The following PIP5K1C variants were observed in gnomAD, a reference collection of about 807,000 sequenced individuals.
PIP5K1C encodes the protein phosphatidylinositol-4-phosphate 5-kinase type 1 gamma.
A neutral mutation model predicts 80.1 loss-of-function variants in PIP5K1C; 45 were observed. The observed-to-expected ratio is 0.56, with a 90% CI of 0.44 to 0.72. PIP5K1C has a LOEUF of 0.72. PIP5K1C is among the 30% of genes least tolerant of loss of function. The pLI is 0.00. For synonymous variants in PIP5K1C, 498 were observed against 420.1 expected (o/e 1.19, Z -2.27); for missense variants, 753 against 954.6 (o/e 0.79, Z 2.78).
intron 16 of PIP5K1C, among the ~76,000 whole-genome samples, chr19:3,635,848 C>T (rs574137320): frequency 1.8e-4 from 27 of 152,136 alleles, no homozygotes; most frequent in African/African-American, 4.6e-4. Context: ...GGCATGATGG[C>T]GGGCGCCTGT....
chr19:3,639,911 T>C (rs2033892662), intron 15 of PIP5K1C, among the ~76,000 whole-genome samples: 1 of 152,306 alleles, frequency 6.6e-6, no homozygotes, highest in East Asian at 1.9e-4. Flanking sequence ...ACACGGTGCA[T>C]CGTGTTCATC....
At chr19:3,668,646 T>A (rs7246711) in intron 1 of PIP5K1C, among the ~76,000 whole-genome samples, 31,422 of 152,138 alleles carry the variant, frequency 0.21, 3,624 homozygotes, top group African/African-American at 0.3. Flanking sequence ...ACTGCAGGGA[T>A]CGCACGTGCT....
At chr19:3,634,913 A>G (rs2033617664) in intron 16 of PIP5K1C, among the ~76,000 whole-genome samples, 2 of 152,250 alleles carry the variant, frequency 1.3e-5, no homozygotes, top group South Asian at 4.1e-4. Flanking sequence ...CTGAGGGGCC[A>G]GGACCCCAGC....
rs1034350592 is a variant in PIP5K1C at position 3,639,749 on chromosome 19, G to A, written c.1788-733C>T. On this transcript the variant is annotated intron_variant, in intron 15 of 17. Coordinates refer to ENST00000335312, the MANE Select transcript of PIP5K1C (RefSeq NM_012398.3). ...CCAGCCTCTTTGTTCTTTTCACTGAGCACTTACTACATGCCAGGGCTGGCT... is the reference window on the plus strand; with the variant it reads ...CCAGCCTCTTTGTTCTTTTCACTGAACACTTACTACATGCCAGGGCTGGCT... Among the ~76,000 whole-genome samples, 9 of 152,202 alleles carry A rather than the reference G, an allele frequency of 5.9e-5. 1 individual carries two copies. The highest frequency in any genetic ancestry group is 5.9e-4 in the Admixed American group (9 of 15,272).
chr19:3,667,518 G>A (rs891856597), intron 1 of PIP5K1C, among the ~76,000 whole-genome samples, 165 bp from the exon 2 acceptor site: 19 of 152,370 alleles, frequency 1.2e-4, no homozygotes, highest in Non-Finnish European at 2.8e-4. Flanking sequence ...TGAGTGCGCT[G>A]GGAGGATGTG....
At chr19:3,641,607 A>G (rs1046392596) in intron 15 of PIP5K1C, 98 bp downstream of exon 15, 5 of 850,816 alleles carry the variant, frequency 5.9e-6, no homozygotes, top group Non-Finnish European at 9.9e-6. Flanking sequence ...ACAACCTAGT[A>G]AGAAAGAACT....
In PIP5K1C at chr19:3,688,286, G is replaced by A. The variant is rs1469124098; in HGVS notation, c.94+12011C>T. ...TCCGGGGAGTACAGTGTCCCTGAAG[G>A]GAATTCCTTCCAGAGCCTGAGGTTA... On this transcript the variant is annotated intron_variant, in intron 1 of 17. Coordinates refer to ENST00000335312, the MANE Select transcript of PIP5K1C (RefSeq NM_012398.3). This position sits in a 1 kb window ranked among gnomAD's most constrained non-coding sequence, Gnocchi z 5.3. 1.3e-5 allele frequency among the ~76,000 whole-genome samples: 2 copies of A among 152,342 alleles called. No individual in the cohort carries two copies. Among genetic ancestry groups the A allele is most frequent in the East Asian group, 1.9e-4 (1 of 5,178 alleles).
rs750756928 is a variant in PIP5K1C, at chr19:3,643,368, G to C, written c.1524C>G (p.Leu508=). 5.6e-6 allele frequency: 9 copies of C among 1,613,528 alleles called. No homozygotes were observed. The highest frequency in any genetic ancestry group is 8.5e-7 in the Non-Finnish European group (1 of 1,179,922). ...CGAAAGAAGGTGGCGTGCAGGGCAG[G>C]AGGTCGGGCCGGCCTGAGGGGAGAG... is the stretch of plus-strand genomic sequence containing the variant. The part of the protein sequence containing the change: ...PTLEDEGRPD[L]LPCTPPSFEE... Residue 508 remains leucine (L), a synonymous_variant, in exon 13 of 18, where the codon CTC becomes CTG. Coordinates refer to ENST00000335312, the MANE Select transcript of PIP5K1C (RefSeq NM_012398.3).
intron 1 of PIP5K1C, among the ~76,000 whole-genome samples, chr19:3,687,909 C>T (rs531120756): frequency 1.3e-5 from 2 of 152,336 alleles, no homozygotes; most frequent in East Asian, 3.9e-4. Context: ...CTCCGCAGGC[C>T]CTGAGGTGTT....
intron 1 of PIP5K1C, among the ~76,000 whole-genome samples, chr19:3,687,678 G>A (rs2035805854): frequency 2.0e-5 from 3 of 151,766 alleles, no homozygotes; most frequent in Admixed American, 6.6e-5. Flanking sequence ...GGGGTGAGGT[G>A]GCTGGAGGGG....
At chr19:3,683,836 G>T (rs1332451719) in intron 1 of PIP5K1C, among the ~76,000 whole-genome samples, 1 of 152,056 alleles carries the variant, frequency 6.6e-6, no homozygotes, top group Non-Finnish European at 1.5e-5. Flanking sequence ...AACATCCTGT[G>T]CAGAGCACAG....
intron 1 of PIP5K1C, among the ~76,000 whole-genome samples, chr19:3,682,203 G>A (rs1286569223): frequency 6.6e-6 from 1 of 151,796 alleles, no homozygotes; most frequent in Non-Finnish European, 1.5e-5. Flanking sequence ...GTGAGGCCCC[G>A]TCTCTACTAA....
Position 3,632,767 on chromosome 19 carries a change from G to T in PIP5K1C, c.*400C>A. 5.3e-6 allele frequency: 1 copy of T among 189,910 alleles called. No individual in the cohort carries two copies. Among genetic ancestry groups the T allele is most frequent in the East Asian group, 1.4e-4 (1 of 7,124 alleles). 11.8% of individuals were successfully genotyped at this position (189,910 alleles called of 1,614,324 possible). A position where few individuals can be genotyped will look rare whatever the true frequency, so the allele number is the denominator to read the frequency against. On this transcript the variant is annotated 3_prime_UTR_variant, in exon 18 of 18. Transcript: ENST00000335312. The stretch of plus-strand genomic sequence containing the variant: ...CCCCAGAGGCCACCGCGAACAGCCT[G>T]GCTTCTTCCTCAGGACACAGGCAGG...
Position 3,686,051 on chromosome 19 carries a change from C to T in PIP5K1C, c.94+14246G>A, listed in dbSNP as rs1024215557. ...TCTTTTTTCAGAAACGGGGGTCTCG[C>T]GTTGTTGCCGAGGCTGGTCTCAAAC... On this transcript the variant is annotated intron_variant, in intron 1 of 17. Transcript: ENST00000335312. Among the ~76,000 whole-genome samples the T allele has an allele frequency of 2.6e-5, 4 of 151,980 alleles. No individual in the cohort carries two copies. The East Asian group carries it at 7.8e-4, about 30-fold the overall frequency.
intron 1 of PIP5K1C, among the ~76,000 whole-genome samples, chr19:3,694,080 C>T (rs1359622297): frequency 6.6e-6 from 1 of 151,882 alleles, no homozygotes; most frequent in East Asian, 1.9e-4. Context: ...GGCGTAGTGG[C>T]GGACGCCTGT....
rs759703366 is a variant in PIP5K1C, at chr19:3,643,225, T to TGCGGATGCCTCGCCCACCTGTACC, written c.1643_1649+17dup. 74 of 1,611,252 alleles carry TGCGGATGCCTCGCCCACCTGTACC rather than the reference T, an allele frequency of 4.6e-5. No homozygotes were observed. The highest frequency in any genetic ancestry group is 1.9e-4 in the African/African-American group (14 of 74,038). On this transcript the variant is annotated intron_variant, in intron 13 of 17. Coordinates refer to ENST00000335312, the MANE Select transcript of PIP5K1C (RefSeq NM_012398.3). ...CAGCGGATGCCCCGCCCACATGCACTGCGGATGCCTCGCCCACCTGTACCG... is the reference window on the plus strand; with the variant it reads ...CAGCGGATGCCCCGCCCACATGCACTGCGGATGCCTCGCCCACCTGTACCGCGGATGCCTCGCCCACCTGTACCG...
chr19:3,679,318 A>G (rs2035515225), intron 1 of PIP5K1C, among the ~76,000 whole-genome samples: 2 of 152,086 alleles, frequency 1.3e-5, no homozygotes, highest in South Asian at 2.1e-4. Context: ...TTTGAGGGGC[A>G]TGTTCCTGCC....
chr19:3,655,937 C>T (rs762482819), intron 6 of PIP5K1C, among the ~76,000 whole-genome samples: 1 of 152,230 alleles, frequency 6.6e-6, no homozygotes, highest in African/African-American at 2.4e-5. Flanking sequence ...AGGGGTGGGC[C>T]GGATGGAGCT....
At chr19:3,655,930 G>T (rs1417085714) in intron 6 of PIP5K1C, among the ~76,000 whole-genome samples, 2 of 152,236 alleles carry the variant, frequency 1.3e-5, no homozygotes, top group African/African-American at 4.8e-5. Context: ...CGGGATGAGG[G>T]GTGGGCCGGA....
Sources: allele counts gnomAD v4.1 joint callset (sites outside exome capture counted in the v4.1 genomes callset), GRCh38; gene constraint gnomAD v4.1.1; non-coding constraint Gnocchi (gnomAD v3.1); transcripts MANE v1.5; gene names NCBI Gene and HGNC (gene_info 2026-07-23, HGNC 2026-07-21).